DMD: variants seen among roughly 807,000 people sequenced by gnomAD.
DMD encodes mutant dystrophin.
DMD carries 63 observed loss-of-function variants against 330.1 expected under a neutral mutation model. The observed-to-expected ratio is 0.19, with a 90% CI of 0.16 to 0.24. The LOEUF (loss-of-function observed/expected upper bound fraction) is 0.24, where lower values mean the gene tolerates loss of function less well. DMD is among the 10% of genes least tolerant of loss of function. The pLI, the probability that DMD is intolerant of heterozygous loss-of-function variation, is 1.00. For synonymous variants in DMD, 1,223 were observed against 959.8 expected (o/e 1.27, Z -5.07); for missense variants, 3,344 against 2,684.1 (o/e 1.25, Z -5.43).
rs200740165 is a variant in DMD, at chrX:32,362,897, G to T, written c.5216C>A (p.Ala1739Glu). ...GTCACCGCGGTTTGCCATCAAGTTT[G>T]CTGCTTGGTCACGTGTAGAGTCCAC... Reference protein sequence around the residue: ...PKVDSTRDQAANLMANRGDHC... With the variant: ...PKVDSTRDQAENLMANRGDHC... Residue 1739 changes from alanine (A) to glutamate (E), a missense_variant, in exon 37 of 79, where the codon GCA (alanine) becomes GAA (glutamate). Physicochemically the swap from Ala to Glu is moderately radical, Grantham distance 107. Coordinates refer to ENST00000357033, the MANE Select transcript of DMD (RefSeq NM_004006.3). 4.7e-5 allele frequency: 57 copies of T among 1,208,775 alleles called. 1 individual carries two copies. The Middle Eastern group carries it at 6.9e-4, about 15-fold the overall frequency.
chrX:32,879,032 C>G (rs867361489), intron 2 of DMD, among the ~76,000 whole-genome samples: 1 of 92,935 alleles, frequency 1.1e-5, no homozygotes, highest in Non-Finnish European at 2.2e-5. Flanking sequence ...AAACAAAAAA[C>G]AAACAAAAAA....
chrX:31,432,076 G>A (rs756982496), intron 60 of DMD, among the ~76,000 whole-genome samples: 128 of 111,981 alleles, frequency 1.1e-3, no homozygotes, highest in African/African-American at 3.9e-3. Context: ...GCCTCCCAGA[G>A]TGCTGGGACC....
intron 59 of DMD, among the ~76,000 whole-genome samples, chrX:31,465,166 C>CA (rs1412442954): frequency 9.0e-6 from 1 of 111,632 alleles, no homozygotes; most frequent in East Asian, 2.8e-4. Flanking sequence ...CACTAACTTA[C>CA]AATTAATTTC....
intron 1 of DMD, among the ~76,000 whole-genome samples, chrX:33,153,177 G>A (rs1603360233): frequency 2.7e-5 from 3 of 112,895 alleles, no homozygotes; most frequent in African/African-American, 9.6e-5. Flanking sequence ...TTGGGAGGCC[G>A]AGGCAGGCGG....
chrX:32,677,942 G>T (rs1309812576), intron 9 of DMD, among the ~76,000 whole-genome samples: 2 of 111,689 alleles, frequency 1.8e-5, no homozygotes, highest in African/African-American at 6.5e-5. Flanking sequence ...AGGAAAACTT[G>T]CAATATGTGA....
chrX:32,462,182 C>A (rs970776661), intron 25 of DMD, among the ~76,000 whole-genome samples: 5 of 110,955 alleles, frequency 4.5e-5, no homozygotes, highest in African/African-American at 1.6e-4. Flanking sequence ...TAGATGATAC[C>A]TAACCCTATA....
At chrX:32,685,132 G>GTAA (rs2062756664) in intron 9 of DMD, among the ~76,000 whole-genome samples, 1 of 110,357 alleles carries the variant, frequency 9.1e-6, no homozygotes, top group Non-Finnish European at 1.9e-5. Context: ...TAAATTAATG[G>GTAA]TAATACTACA....
At chrX:32,815,514 T>TACACACACAC (rs761584148) in intron 6 of DMD, among the ~76,000 whole-genome samples, 632 of 62,894 alleles carry the variant, frequency 0.01, 12 homozygotes, top group African/African-American at 0.039. Context: ...TATATATATA[T>TACACACACAC]ATATATACAC....
At chrX:32,645,215 T>A in intron 9 of DMD, 63 bp from the exon 10 acceptor site, 1 of 1,106,584 alleles carries the variant, frequency 9.0e-7, no homozygotes, top group Admixed American at 2.3e-5. Flanking sequence ...TCCAGTACAT[T>A]AAATGATGAA....
chrX:32,319,605 C>G (rs1260711013), intron 41 of DMD, among the ~76,000 whole-genome samples: 2 of 111,602 alleles, frequency 1.8e-5, no homozygotes, highest in African/African-American at 6.5e-5. Flanking sequence ...TCTGATTTCA[C>G]TATGTCGCAT....
chrX:32,387,216 C>T (rs777328855), intron 32 of DMD, among the ~76,000 whole-genome samples: 3 of 110,997 alleles, frequency 2.7e-5, no homozygotes, highest in East Asian at 5.7e-4. Context: ...AGTGTCATAA[C>T]TTTGGAAGAC....
At chrX:33,305,334 G>A (rs1420138503) in intron 1 of DMD, among the ~76,000 whole-genome samples, 1 of 102,534 alleles carries the variant, frequency 9.8e-6, no homozygotes, top group Non-Finnish European at 2.0e-5. Context: ...ACCAAACACC[G>A]CATGTTCTCA....
At chrX:33,329,030 T>C (rs1391938421) in intron 1 of DMD, among the ~76,000 whole-genome samples, 5 of 112,102 alleles carry the variant, frequency 4.5e-5, no homozygotes, top group Non-Finnish European at 3.8e-5. Context: ...CTTTTATATA[T>C]TTGTGTTATA....
At chrX:32,911,037 G>A (rs944256734) in intron 2 of DMD, among the ~76,000 whole-genome samples, 1 of 111,769 alleles carries the variant, frequency 8.9e-6, no homozygotes, top group African/African-American at 3.3e-5. Flanking sequence ...AATATTTTAA[G>A]CTGACACATT....
At chrX:33,150,901 C>G (rs1046921727) in intron 1 of DMD, among the ~76,000 whole-genome samples, 1 of 111,333 alleles carries the variant, frequency 9.0e-6, no homozygotes, top group African/African-American at 3.3e-5. Context: ...GGGCTTTTAC[C>G]CTGAAGCAAA....
intron 77 of DMD, among the ~76,000 whole-genome samples, chrX:31,128,710 C>T (rs1254506394): frequency 9.0e-6 from 1 of 111,591 alleles, no homozygotes; most frequent in South Asian, 3.7e-4. Context: ...TCTTCAGAAA[C>T]CATATTTTAT....
chrX:31,382,042 C>T (rs2060209847), intron 60 of DMD, among the ~76,000 whole-genome samples: 3 of 111,476 alleles, frequency 2.7e-5, no homozygotes, highest in Non-Finnish European at 3.8e-5. Flanking sequence ...CATAATTCCT[C>T]GGTTTGGCCT....
chrX:32,482,212 C>T (rs973019834), intron 21 of DMD, among the ~76,000 whole-genome samples: 6 of 111,300 alleles, frequency 5.4e-5, no homozygotes, highest in African/African-American at 2.0e-4. Flanking sequence ...AGACTAGATG[C>T]TGTGTTTCTA....
chrX:32,345,888 C>G, intron 39 of DMD, 55 bp downstream of exon 39: 2 of 1,158,943 alleles, frequency 1.7e-6, no homozygotes, highest in Non-Finnish European at 1.2e-6. Flanking sequence ...ATATTTTACC[C>G]TATATATTAA....
Sources: gnomAD v4.1 joint callset for allele counts (sites outside exome capture counted in the v4.1 genomes callset) on GRCh38, gnomAD v4.1.1 for gene constraint, MANE v1.5 for transcripts, NCBI Gene and HGNC (gene_info 2026-07-23, HGNC 2026-07-21) for gene names.